Variants in CYRIB observed in about 807,000 individuals in gnomAD.
CYRIB encodes the protein CYFIP related Rac1 interactor B.
Under a neutral mutation model 44.2 loss-of-function variants are expected in CYRIB, and 8 were observed. That is an observed-to-expected ratio of 0.18 (90% CI 0.11 to 0.33). CYRIB has a LOEUF of 0.33. Ranked by LOEUF, CYRIB falls within the 10% of genes least tolerant of loss-of-function variation. CYRIB has a pLI of 1.00. For missense variants in CYRIB, 185 were observed against 382.8 expected, an observed-to-expected ratio of 0.48 and a Z score of 4.31; for synonymous variants, 131 against 127.2, an observed-to-expected ratio of 1.03 and a Z score of -0.20.
At chr8:129,909,304 G>A (rs2076900556) in intron 1 of CYRIB, among the ~76,000 whole-genome samples, 1 of 151,520 alleles carries the variant, frequency 6.6e-6, no homozygotes, top group Non-Finnish European at 1.5e-5. Flanking sequence ...TTATTATAAG[G>A]GTAAAACATG....
At chr8:129,930,365 T>TTTTATATATATATATATATA (rs369665802) in intron 1 of CYRIB, among the ~76,000 whole-genome samples, 788 of 50,400 alleles carry the variant, frequency 0.016, 109 homozygotes, top group Non-Finnish European at 0.021. Context: ...TGTGAAGTGC[T>TTTTATATATATATATATATA]TATATATATA....
chr8:129,894,470 C>T (rs957298116), intron 2 of CYRIB: 1 of 152,084 alleles, frequency 6.6e-6, no homozygotes, highest in African/African-American at 2.4e-5. Flanking sequence ...TCTGTTGTTT[C>T]GCAGCCCCAC....
rs534800399 is a variant in CYRIB, at chr8:129,991,080, C to T, written c.-295-20085G>A. On this transcript the variant is annotated intron_variant, in intron 1 of 14. Coordinates refer to the CYRIB transcript ENST00000401979. Reference sequence around the variant, plus strand: ...CCAGGAGGTGAGGGTTGCAGTGAGCCGAGATCGCACCACTGCACTCCAGCC... The same window carrying T: ...CCAGGAGGTGAGGGTTGCAGTGAGCTGAGATCGCACCACTGCACTCCAGCC... 5.8e-4 allele frequency among the ~76,000 whole-genome samples: 85 copies of T among 147,032 alleles called. 1 individual carries two copies. Among genetic ancestry groups the T allele is most frequent in the Non-Finnish European group, 9.2e-4 (62 of 67,270 alleles).
chr8:130,009,553 C>A (rs570848956), intron 1 of CYRIB, among the ~76,000 whole-genome samples: 9 of 152,154 alleles, frequency 5.9e-5, no homozygotes, highest in Non-Finnish European at 1.2e-4. Flanking sequence ...CAGGTGTGAG[C>A]CACTGCGCCC....
chr8:130,009,995 G>A (rs2097183449), intron 1 of CYRIB, among the ~76,000 whole-genome samples: 1 of 152,206 alleles, frequency 6.6e-6, no homozygotes, highest in Non-Finnish European at 1.5e-5. Context: ...AGGAAAGAAT[G>A]GAGCTTTTCT....
chr8:130,006,666 A>ATATATACATATATATGTGTG (rs1564801704), intron 1 of CYRIB, among the ~76,000 whole-genome samples: 2 of 92,744 alleles, frequency 2.2e-5, no homozygotes, highest in South Asian at 3.8e-4. Context: ...ATATATGTAT[A>ATATATACATATATATGTGTG]TATATATGTA....
At chr8:129,970,954 C>A (rs904316399) in exon 2 of CYRIB, 3 of 152,162 alleles carry the variant, frequency 2.0e-5, no homozygotes, top group Non-Finnish European at 4.4e-5. Flanking sequence ...AACTGGGTAA[C>A]CTTGAATGAG....
intron 1 of CYRIB, among the ~76,000 whole-genome samples, chr8:129,931,955 A>G (rs932079078): frequency 2.0e-5 from 3 of 151,560 alleles, no homozygotes; most frequent in African/African-American, 7.3e-5. Flanking sequence ...TTAATGAGGT[A>G]TAATTTATAT....
chr8:129,996,420 T>G (rs1022086541), intron 1 of CYRIB, among the ~76,000 whole-genome samples: 1 of 152,096 alleles, frequency 6.6e-6, no homozygotes, highest in Non-Finnish European at 1.5e-5. Context: ...CTGAGCCTAG[T>G]ACAGTGCCTG....
chr8:129,938,016 G>A (rs1357973046), intron 1 of CYRIB, among the ~76,000 whole-genome samples: 1 of 151,932 alleles, frequency 6.6e-6, no homozygotes, highest in Non-Finnish European at 1.5e-5. Flanking sequence ...GTTAGAAAAT[G>A]CTGCCATAAA....
intron 1 of CYRIB, among the ~76,000 whole-genome samples, chr8:129,999,401 G>C (rs1272072777): frequency 1.3e-5 from 2 of 152,236 alleles, no homozygotes; most frequent in African/African-American, 4.8e-5. Flanking sequence ...GGAACACAGA[G>C]TGAGCAAATG....
upstream of CYRIB, chr8:130,016,749 C>T (rs1564883819): frequency 6.7e-6 from 1 of 150,216 alleles, no homozygotes; most frequent in Non-Finnish European, 1.5e-5. Context: ...CGCGCCGGCC[C>T]CCACCCCAGA....
At chr8:129,904,030 A>G (rs1248813361) in intron 1 of CYRIB, among the ~76,000 whole-genome samples, 1 of 152,218 alleles carries the variant, frequency 6.6e-6, no homozygotes, top group Non-Finnish European at 1.5e-5. Flanking sequence ...CTGGGATTAC[A>G]GGCATCAGCC....
chr8:129,932,985 C>T lies in CYRIB; in HGVS notation c.-50+6623G>A, dbSNP rs114072922. Among the ~76,000 whole-genome samples, 1,371 of 152,186 alleles carry T rather than the reference C, an allele frequency of 9.0e-3. 18 individuals are homozygous for T. Among genetic ancestry groups the T allele is most frequent in the African/African-American group, 0.031 (1,306 of 41,508 alleles). ...GGTGGGTTGGTAGTTGTTCACTATCCTCTGGGCTGGTGGAAGGAGGGGAGT... is the reference window on the plus strand; with the variant it reads ...GGTGGGTTGGTAGTTGTTCACTATCTTCTGGGCTGGTGGAAGGAGGGGAGT... On this transcript the variant is annotated intron_variant, in intron 1 of 11. Transcript: ENST00000519824.
At chr8:129,978,185 C>G (rs975550689) in intron 1 of CYRIB, among the ~76,000 whole-genome samples, 2 of 152,186 alleles carry the variant, frequency 1.3e-5, no homozygotes, top group Non-Finnish European at 2.9e-5. Context: ...CCCAAAGCCA[C>G]AGTGGGCCAC....
At chr8:129,842,043 AG>A in exon 12 of CYRIB, 1 of 789,840 alleles carries the variant, frequency 1.3e-6, no homozygotes, top group Non-Finnish European at 2.1e-6. Flanking sequence ...AATAAAAGCA[AG>A]AATAAATGAG....
At chr8:129,894,397 T>C (rs2066866721) in intron 2 of CYRIB, 1 of 152,244 alleles carries the variant, frequency 6.6e-6, no homozygotes, top group African/African-American at 2.4e-5. Context: ...CTTTGTATTA[T>C]ATGTTTATGG....
intron 1 of CYRIB, among the ~76,000 whole-genome samples, chr8:129,939,403 G>A (rs936606979): frequency 6.6e-6 from 1 of 151,740 alleles, no homozygotes; most frequent in Non-Finnish European, 1.5e-5. Flanking sequence ...ATGAGCGCCG[G>A]GGGCAGGCCG....
At chr8:129,898,106 A>T (rs200572462) in intron 2 of CYRIB, among the ~76,000 whole-genome samples, 22 of 117,668 alleles carry the variant, frequency 1.9e-4, no homozygotes, top group African/African-American at 6.0e-4. Flanking sequence ...TTTTTTTTTT[A>T]AAGGAATACT....
Sources: allele counts gnomAD v4.1 joint callset (sites outside exome capture counted in the v4.1 genomes callset), GRCh38; gene constraint gnomAD v4.1.1; transcripts MANE v1.5; gene names NCBI Gene and HGNC (gene_info 2026-07-23, HGNC 2026-07-21).